The following JMJD1C variants were observed in gnomAD, a reference collection of about 807,000 sequenced individuals.
JMJD1C encodes jumonji domain containing 1C.
JMJD1C carries 31 observed loss-of-function variants against 245.3 expected under a neutral mutation model. That is an observed-to-expected ratio of 0.13 (90% CI 0.09 to 0.17). The LOEUF (loss-of-function observed/expected upper bound fraction) is 0.17, where lower values mean the gene tolerates loss of function less well. Ranked by LOEUF, JMJD1C falls within the 10% of genes least tolerant of loss-of-function variation. The pLI is 1.00. For synonymous variants in JMJD1C, 1,057 were observed against 1,017.4 expected (o/e 1.04, Z -0.74); for missense variants, 2,691 against 3,000.2 (o/e 0.90, Z 2.41).
chr10:63,203,950 A>G (rs1333885767), intron 10 of JMJD1C: 21 of 981,984 alleles, frequency 2.1e-5, no homozygotes, highest in Non-Finnish European at 2.4e-5. Context: ...TAATCCATTA[A>G]TATTTAGAAG....
chr10:63,204,311 A>C, intron 10 of JMJD1C: 1 of 985,380 alleles, frequency 1.0e-6, no homozygotes, highest in Non-Finnish European at 1.2e-6. Context: ...GATTTGACTA[A>C]ACATTACAAC....
chr10:63,409,830 G>A (rs1477215885), intron 1 of JMJD1C, among the ~76,000 whole-genome samples: 2 of 152,116 alleles, frequency 1.3e-5, no homozygotes, highest in African/African-American at 2.4e-5. Context: ...ATGAGGATCT[G>A]GTTAAGGCAT....
At chr10:63,209,874 C>T (rs1367229309) in intron 8 of JMJD1C, among the ~76,000 whole-genome samples, 1 of 152,178 alleles carries the variant, frequency 6.6e-6, no homozygotes, top group Non-Finnish European at 1.5e-5. Flanking sequence ...GCAACCTCTT[C>T]ATCGAGACAT....
chr10:63,370,995 T>G (rs1468985266), intron 2 of JMJD1C, among the ~76,000 whole-genome samples: 1 of 152,202 alleles, frequency 6.6e-6, no homozygotes, highest in Non-Finnish European at 1.5e-5. Context: ...TATTTTCCGT[T>G]GAGACAGGGT....
chr10:63,394,793 G>T (rs1948351667), intron 1 of JMJD1C, among the ~76,000 whole-genome samples: 1 of 149,566 alleles, frequency 6.7e-6, no homozygotes, highest in African/African-American at 2.5e-5. Flanking sequence ...GCAGTGAGCG[G>T]AGATCACGCC....
At chr10:63,184,535 T>A in intron 21 of JMJD1C, 73 bp downstream of exon 21, 2 of 1,390,722 alleles carry the variant, frequency 1.4e-6, no homozygotes, top group Non-Finnish European at 2.0e-6. Context: ...TGAGCCACTA[T>A]GCCCGGCCTG....
At chr10:63,385,155 T>C (rs927991865) in intron 1 of JMJD1C, among the ~76,000 whole-genome samples, 3 of 152,042 alleles carry the variant, frequency 2.0e-5, no homozygotes, top group Non-Finnish European at 2.9e-5. Flanking sequence ...AGAACACACA[T>C]AGTGTTCTGG....
chr10:63,452,723 A>G (rs1173296073), intron 1 of JMJD1C, among the ~76,000 whole-genome samples: 1 of 152,298 alleles, frequency 6.6e-6, no homozygotes, highest in Middle Eastern at 3.4e-3. Flanking sequence ...ATGCAATGGA[A>G]TATTACTCAG....
intron 5 of JMJD1C, among the ~76,000 whole-genome samples, chr10:63,216,565 CCGGG>C: frequency 6.6e-6 from 1 of 151,952 alleles, no homozygotes; most frequent in Admixed American, 6.6e-5. Context: ...AAAAAAATAG[CCGGG>C]CGTGGTGGCG....
At chr10:63,284,899 A>T (rs956519842) in intron 2 of JMJD1C, among the ~76,000 whole-genome samples, 1 of 112,390 alleles carries the variant, frequency 8.9e-6, no homozygotes, top group South Asian at 3.0e-4. Context: ...ACACACACAC[A>T]CACACACATT....
In JMJD1C at chr10:63,263,933, G is replaced by GAA. The variant is rs1225176795; in HGVS notation, c.447+716_447+717dup. On this transcript the variant is annotated intron_variant, in intron 3 of 25. Coordinates refer to ENST00000399262, the MANE Select transcript of JMJD1C (RefSeq NM_032776.3). ...GGTGAAAGAGTGAGACTCCATCACG[G>GAA]AAAAAAAAAAAAAAAAAAATACACA... Among the ~76,000 whole-genome samples, 141 of 62,718 alleles carry GAA rather than the reference G, an allele frequency of 2.2e-3. 3 individuals are homozygous for GAA. Among genetic ancestry groups the GAA allele is most frequent in the Admixed American group, 4.8e-3 (21 of 4,368 alleles). The allele number at this position is 62,718 out of a possible 152,430, so 41.1% of individuals were successfully genotyped here.
intron 3 of JMJD1C, among the ~76,000 whole-genome samples, chr10:63,230,377 A>C (rs902087155): frequency 6.6e-6 from 1 of 152,106 alleles, no homozygotes; most frequent in Non-Finnish European, 1.5e-5. Context: ...TGTTTCGAAA[A>C]AATTCCACCA....
chr10:63,213,456 A>C lies in JMJD1C; in HGVS notation c.2694+17T>G, dbSNP rs921986507. 6.8e-7 allele frequency: 1 copy of C among 1,462,036 alleles called. No homozygotes were observed. Among genetic ancestry groups the C allele is most frequent in the Non-Finnish European group, 9.5e-7 (1 of 1,054,584 alleles). 90.6% of individuals were successfully genotyped at this position (1,462,036 alleles called of 1,614,324 possible). On this transcript the variant is annotated intron_variant, in intron 8 of 25. Transcript: ENST00000399262. ...ATTAATATATACTGCTATGTGGCAA[A>C]CTACAGTGTAACTTACCCTCCTTAA...
At chr10:63,403,663 G>T (rs181332834) in intron 1 of JMJD1C, among the ~76,000 whole-genome samples, 16 of 152,334 alleles carry the variant, frequency 1.1e-4, no homozygotes. Context: ...TACAGGCCAG[G>T]CGCAGTGGCT....
intron 3 of JMJD1C, among the ~76,000 whole-genome samples, chr10:63,248,669 T>C (rs1327808957): frequency 6.6e-6 from 1 of 152,092 alleles, no homozygotes; most frequent in African/African-American, 2.4e-5. Context: ...AAAAACAACA[T>C]GGAAACTTCT....
At chr10:63,349,840 TGTA>T (rs1192713937) in intron 2 of JMJD1C, among the ~76,000 whole-genome samples, 1 of 152,190 alleles carries the variant, frequency 6.6e-6, no homozygotes, top group Non-Finnish European at 1.5e-5. Context: ...TTTGTAATAC[TGTA>T]AATTCACTAA....
rs1386255387 is a variant in JMJD1C, at chr10:63,483,906, T to C, written n.113+37832A>G. On this transcript the variant is annotated intron_variant and non_coding_transcript_variant, in intron 1 of 3. Transcript: ENST00000633035. ...GCCAATCACTAGCACAGTACTTCAG[T>C]AAATGCACTAATACTTCTCAGCATG... Among the ~76,000 whole-genome samples the C allele has an allele frequency of 5.3e-5, 8 of 152,232 alleles. No individual in the cohort carries two copies. In the East Asian group the frequency reaches 1.5e-3, roughly 29 times the overall value.
rs113193949 is a variant in JMJD1C at position 63,348,828 on chromosome 10, C to A, written c.333+31490G>T. Among the ~76,000 whole-genome samples, 231 of 152,078 alleles carry A rather than the reference C, an allele frequency of 1.5e-3. 1 individual carries two copies. The highest frequency in any genetic ancestry group is 0.014 in the Middle Eastern group (4 of 294). ...AACTGATCACTAAAGAGAGTCTGGG[C>A]GGTGGCTCATGCCTGTAATCCCAGC... On this transcript the variant is annotated intron_variant, in intron 2 of 25. Transcript: ENST00000399262.
chr10:63,220,029 CAT>C (rs1164563449), intron 3 of JMJD1C, 46 bp from the exon 4 acceptor site: 1 of 1,388,730 alleles, frequency 7.2e-7, no homozygotes, highest in African/African-American at 1.4e-5. Context: ...GCTCTCCTAC[CAT>C]TAATGTTACC....
Sources: gnomAD v4.1 joint callset for allele counts (sites outside exome capture counted in the v4.1 genomes callset) on GRCh38, gnomAD v4.1.1 for gene constraint, MANE v1.5 for transcripts, NCBI Gene and HGNC (gene_info 2026-07-23, HGNC 2026-07-21) for gene names.